The following SUMF1 variants were observed in gnomAD, a reference collection of about 807,000 sequenced individuals.
SUMF1 encodes the protein sulfatase modifying factor 1, also known as formylglycine-generating enzyme.
In SUMF1, 48 loss-of-function variants were observed where a neutral mutation model predicts 47.6. The observed-to-expected ratio is 1.01, with a 90% CI of 0.80 to 1.28. The LOEUF is 1.28. Ranked by LOEUF, SUMF1 falls within the 50% of genes most tolerant of loss-of-function variation. The pLI, the probability that SUMF1 is intolerant of heterozygous loss-of-function variation, is 0.00. For synonymous variants in SUMF1, 230 were observed against 192.1 expected (o/e 1.20, Z -1.63); for missense variants, 571 against 485.4 (o/e 1.18, Z -1.66).
At chr3:4,326,544 T>C (rs1183573842) in intron 8 of SUMF1, among the ~76,000 whole-genome samples, 2 of 149,800 alleles carry the variant, frequency 1.3e-5, no homozygotes, top group Non-Finnish European at 3.0e-5. Flanking sequence ...TTGAGATAGA[T>C]CCTCACTCTG....
intron 8 of SUMF1, among the ~76,000 whole-genome samples, chr3:4,136,300 C>G (rs1447755231): frequency 6.6e-6 from 1 of 151,470 alleles, no homozygotes; most frequent in East Asian, 1.9e-4. Flanking sequence ...GGAATAGAGC[C>G]CTCAGAAATA....
chr3:4,094,502 G>C (rs1692858113), intron 8 of SUMF1, among the ~76,000 whole-genome samples: 2 of 152,068 alleles, frequency 1.3e-5, no homozygotes, highest in Admixed American at 1.3e-4. Context: ...ATGATGGAGA[G>C]GTCAGGATGT....
In SUMF1 at chr3:4,420,120, A is replaced by G. The variant is rs1701843136; in HGVS notation, c.546T>C (p.Pro182=). Residue 182 remains proline (P), a synonymous_variant, in exon 4 of 9, where the codon CCT becomes CCC. Transcript: ENST00000272902. ...GGTGTCTCCAGTTAGCGCCTTTCAC[A>G]GGTAACCACCAGGGAGCAGCTGCAA... The part of the protein sequence containing the change: ...QAVAAAPWWL[P]VKGANWRHPE... The G allele has an allele frequency of 6.2e-7, 1 of 1,613,970 alleles. No homozygotes were observed. Among genetic ancestry groups the G allele is most frequent in the Non-Finnish European group, 8.5e-7 (1 of 1,180,000 alleles).
intron 8 of SUMF1, among the ~76,000 whole-genome samples, chr3:4,287,756 C>A (rs989098909): frequency 5.3e-5 from 8 of 152,190 alleles, no homozygotes; most frequent in African/African-American, 1.7e-4. Context: ...AGTTTAGGAA[C>A]AACAGATTCA....
chr3:4,228,829 C>T (rs896600754), intron 8 of SUMF1, among the ~76,000 whole-genome samples: 9 of 152,230 alleles, frequency 5.9e-5, no homozygotes, highest in Middle Eastern at 3.4e-3. Flanking sequence ...ACAGCCATTA[C>T]TAGATGTCAG....
intron 9 of SUMF1, among the ~76,000 whole-genome samples, chr3:4,065,910 A>G (rs966932926): frequency 9.9e-5 from 15 of 152,158 alleles, no homozygotes; most frequent in African/African-American, 3.4e-4. Context: ...CCCTTGTGAT[A>G]TGACAGGGGA....
chr3:4,418,340 C>T (rs2125036812), intron 4 of SUMF1, among the ~76,000 whole-genome samples: 1 of 152,310 alleles, frequency 6.6e-6, no homozygotes, highest in Non-Finnish European at 1.5e-5. Flanking sequence ...GTTACAGTTC[C>T]ACTGGGAACT....
intron 8 of SUMF1, among the ~76,000 whole-genome samples, chr3:4,309,613 TC>T (rs895301331): frequency 1.3e-5 from 2 of 152,188 alleles, no homozygotes; most frequent in African/African-American, 4.8e-5. Flanking sequence ...AGATACTTCT[TC>T]CCACCACCTT....
chr3:4,258,320 C>T (rs1238815635), intron 8 of SUMF1, among the ~76,000 whole-genome samples: 5 of 146,904 alleles, frequency 3.4e-5, no homozygotes, highest in East Asian at 1.9e-4. Context: ...TCAGAGTGAA[C>T]AGGCAACCTA....
chr3:4,197,369 G>A (rs1319108046), intron 8 of SUMF1, among the ~76,000 whole-genome samples: 1 of 152,118 alleles, frequency 6.6e-6, no homozygotes, highest in African/African-American at 2.4e-5. Context: ...CCAAAGTGCT[G>A]GGATTACAGG....
chr3:4,204,107 C>A (rs1299488653), intron 8 of SUMF1, among the ~76,000 whole-genome samples: 1 of 151,990 alleles, frequency 6.6e-6, no homozygotes, highest in African/African-American at 2.4e-5. Context: ...TCTTAGTGCT[C>A]ATTAATGGTC....
At chr3:4,359,349 T>A (rs1014645615), downstream of SUMF1, among the ~76,000 whole-genome samples, 1 of 151,978 alleles carries the variant, frequency 6.6e-6, no homozygotes, top group Non-Finnish European at 1.5e-5. Context: ...ACAATCATAG[T>A]TCACTGCAGC....
intron 8 of SUMF1, among the ~76,000 whole-genome samples, chr3:4,098,464 GA>G (rs1369147488): frequency 3.9e-5 from 6 of 152,056 alleles, no homozygotes; most frequent in African/African-American, 1.2e-4. Flanking sequence ...TGATTTCAAA[GA>G]GGATTCTTAA....
chr3:4,145,585 T>A (rs2125100504), intron 8 of SUMF1, among the ~76,000 whole-genome samples: 1 of 152,170 alleles, frequency 6.6e-6, no homozygotes, highest in East Asian at 1.9e-4. Flanking sequence ...ATTGCTTTTG[T>A]CTCTGTGCAT....
intron 8 of SUMF1, among the ~76,000 whole-genome samples, chr3:4,180,336 C>A (rs976703911): frequency 6.6e-6 from 1 of 152,136 alleles, no homozygotes. Context: ...AAATGTGGCA[C>A]ATATACACCA....
chr3:4,223,367 G>C (rs1426418352), intron 8 of SUMF1, among the ~76,000 whole-genome samples: 1 of 152,118 alleles, frequency 6.6e-6, no homozygotes, highest in African/African-American at 2.4e-5. Context: ...CTCAGCAGTG[G>C]AGGATGGAGA....
intron 8 of SUMF1, among the ~76,000 whole-genome samples, chr3:4,152,287 GT>G (rs1173406225): frequency 6.6e-6 from 1 of 151,264 alleles, no homozygotes; most frequent in Non-Finnish European, 1.5e-5. Context: ...TCTGGATTTT[GT>G]TTGTTTATTT....
chr3:4,061,817 C>T (rs1011235523), intron 9 of SUMF1, among the ~76,000 whole-genome samples: 3 of 152,084 alleles, frequency 2.0e-5, no homozygotes, highest in Non-Finnish European at 4.4e-5. Context: ...AGTCTGTTTA[C>T]ACATCTAGTT....
At chr3:4,149,815 G>C (rs146040896) in intron 8 of SUMF1, among the ~76,000 whole-genome samples, 1 of 152,258 alleles carries the variant, frequency 6.6e-6, no homozygotes, top group East Asian at 1.9e-4. Flanking sequence ...AGGTAAAGCA[G>C]AGTGGTGATG....
Sources: allele counts gnomAD v4.1 joint callset (sites outside exome capture counted in the v4.1 genomes callset), GRCh38; gene constraint gnomAD v4.1.1; transcripts MANE v1.5; gene names NCBI Gene and HGNC (gene_info 2026-07-23, HGNC 2026-07-21).